Variants in SLC9A9 observed in about 807,000 individuals in gnomAD.
SLC9A9 encodes solute carrier family 9 member A9, also known as sodium/hydrogen exchanger 9.
In SLC9A9, 62 loss-of-function variants were observed where a neutral mutation model predicts 77.8. That is an observed-to-expected ratio of 0.80 (90% CI 0.65 to 0.98). The LOEUF is 0.98. Ranked by LOEUF, SLC9A9 falls within the 50% of genes least tolerant of loss-of-function variation. SLC9A9 has a pLI of 0.00. For synonymous variants in SLC9A9, 320 were observed against 283.5 expected (o/e 1.13, Z -1.29); for missense variants, 775 against 774.9 (o/e 1.00, Z 0.00).
chr3:143,553,382 G>A (rs1256158221), intron 8 of SLC9A9, among the ~76,000 whole-genome samples: 3 of 152,170 alleles, frequency 2.0e-5, no homozygotes, highest in Non-Finnish European at 4.4e-5. Context: ...TGGGCATAGA[G>A]GAGGGCTTTG....
intron 11 of SLC9A9, among the ~76,000 whole-genome samples, chr3:143,489,007 C>T (rs2108587093): frequency 6.6e-6 from 1 of 151,906 alleles, no homozygotes; most frequent in East Asian, 1.9e-4. Context: ...TCACAAAAAA[C>T]CTGTTAAACC....
intron 1 of SLC9A9, among the ~76,000 whole-genome samples, chr3:143,846,598 A>T (rs545372938): frequency 6.6e-6 from 1 of 152,112 alleles, no homozygotes; most frequent in East Asian, 1.9e-4. Flanking sequence ...TCATGCCCGT[A>T]ATGCCAGCAT....
chr3:143,299,220 G>T (rs538844421), intron 14 of SLC9A9, among the ~76,000 whole-genome samples: 1 of 151,956 alleles, frequency 6.6e-6, no homozygotes, highest in Admixed American at 6.5e-5. Flanking sequence ...CTTTCCTAAA[G>T]GGTAAAAAAA....
intron 12 of SLC9A9, among the ~76,000 whole-genome samples, chr3:143,434,057 A>G (rs981203431): frequency 6.6e-6 from 1 of 152,142 alleles, no homozygotes; most frequent in Non-Finnish European, 1.5e-5. Flanking sequence ...TGGACACAAT[A>G]AGATGAAAAG....
At chr3:143,718,718 C>T (rs1934418528) in intron 4 of SLC9A9, among the ~76,000 whole-genome samples, 1 of 152,210 alleles carries the variant, frequency 6.6e-6, no homozygotes, top group African/African-American at 2.4e-5. Context: ...TGGATCAGCC[C>T]ACGCAGGCAG....
intron 14 of SLC9A9, among the ~76,000 whole-genome samples, chr3:143,280,680 A>T (rs999860204): frequency 2.7e-5 from 4 of 150,816 alleles, no homozygotes; most frequent in African/African-American, 9.8e-5. Context: ...CCTCCCCAGT[A>T]GCTAGAATTA....
intron 5 of SLC9A9, among the ~76,000 whole-genome samples, chr3:143,659,323 A>G (rs1470670450): frequency 6.6e-6 from 1 of 152,238 alleles, no homozygotes; most frequent in Non-Finnish European, 1.5e-5. Flanking sequence ...GACCCATGAC[A>G]TGTAAGAACT....
At chr3:143,640,843 C>A (rs1350786752) in intron 6 of SLC9A9, among the ~76,000 whole-genome samples, 1 of 152,086 alleles carries the variant, frequency 6.6e-6, no homozygotes, top group Non-Finnish European at 1.5e-5. Context: ...CAGAGTGAGA[C>A]CTTGTCTCAA....
chr3:143,833,582 G>C (rs2009493060), intron 1 of SLC9A9, among the ~76,000 whole-genome samples: 1 of 152,160 alleles, frequency 6.6e-6, no homozygotes, highest in Non-Finnish European at 1.5e-5. Flanking sequence ...CAGCACGTAA[G>C]AGCAGAGACA....
At chr3:143,831,760 A>G (rs1479330374) in intron 2 of SLC9A9, among the ~76,000 whole-genome samples, 2 of 152,190 alleles carry the variant, frequency 1.3e-5, no homozygotes, top group Non-Finnish European at 1.5e-5. Flanking sequence ...TTAACCAAAT[A>G]TAACTGTGGC....
chr3:143,703,575 G>A (rs908381353), intron 4 of SLC9A9, among the ~76,000 whole-genome samples: 4 of 151,896 alleles, frequency 2.6e-5, no homozygotes, highest in Non-Finnish European at 5.9e-5. Flanking sequence ...GCAGTACTAA[G>A]CAGGAAGTTT....
intron 6 of SLC9A9, chr3:143,620,518 G>T: frequency 6.6e-6 from 1 of 152,436 alleles, no homozygotes; most frequent in Non-Finnish European, 1.5e-5. Context: ...AAGCACCAGG[G>T]AGCCCACGTG....
intron 8 of SLC9A9, among the ~76,000 whole-genome samples, chr3:143,561,141 A>G (rs1455631858): frequency 6.6e-6 from 1 of 152,246 alleles, no homozygotes; most frequent in African/African-American, 2.4e-5. Flanking sequence ...AGGTTGTGCC[A>G]TTGTACTCCA....
At chr3:143,509,258 C>T (rs576196999) in intron 9 of SLC9A9, among the ~76,000 whole-genome samples, 1 of 152,176 alleles carries the variant, frequency 6.6e-6, no homozygotes, top group Admixed American at 6.5e-5. Flanking sequence ...GGAGAATAGA[C>T]TATCAGATAA....
At position 143,322,818 on chromosome 3, in the gene SLC9A9, G is replaced by A. The variant is rs142658717; in HGVS notation, c.1604+40666C>T. On this transcript the variant is annotated intron_variant, in intron 14 of 15. Transcript: ENST00000316549. ...CTTCACACAACTGTAATCATAAGAGGTGGTTTTGTTTTACTTACAGCCAAC... is the reference window on the plus strand; with the variant it reads ...CTTCACACAACTGTAATCATAAGAGATGGTTTTGTTTTACTTACAGCCAAC... 5.6e-3 allele frequency among the ~76,000 whole-genome samples: 850 copies of A among 152,236 alleles called. 8 individuals are homozygous for A. Among genetic ancestry groups the A allele is most frequent in the African/African-American group, 0.019 (772 of 41,536 alleles).
chr3:143,680,091 T>C (rs1478046552), intron 5 of SLC9A9, among the ~76,000 whole-genome samples: 1 of 151,994 alleles, frequency 6.6e-6, no homozygotes, highest in Non-Finnish European at 1.5e-5. Flanking sequence ...GTGCAACATA[T>C]AGATAATACG....
intron 11 of SLC9A9, among the ~76,000 whole-genome samples, chr3:143,485,379 C>A (rs1039256645): frequency 6.6e-6 from 1 of 152,084 alleles, no homozygotes; most frequent in Non-Finnish European, 1.5e-5. Context: ...TTCTTTTTCT[C>A]CACCTTCGAT....
intron 12 of SLC9A9, among the ~76,000 whole-genome samples, chr3:143,450,411 AT>A (rs2034985253): frequency 6.6e-6 from 1 of 151,678 alleles, no homozygotes; most frequent in Non-Finnish European, 1.5e-5. Flanking sequence ...AAAATAGAAT[AT>A]CTGAATTTTA....
intron 14 of SLC9A9, among the ~76,000 whole-genome samples, chr3:143,303,247 G>T (rs1020750208): frequency 1.3e-5 from 2 of 152,368 alleles, no homozygotes; most frequent in Admixed American, 1.3e-4. Flanking sequence ...TTTGTGTTGG[G>T]GCTGGGGAGG....
Sources: gnomAD v4.1 joint callset for allele counts (sites outside exome capture counted in the v4.1 genomes callset) on GRCh38, gnomAD v4.1.1 for gene constraint, MANE v1.5 for transcripts, NCBI Gene and HGNC (gene_info 2026-07-23, HGNC 2026-07-21) for gene names.